Variants in PRKN observed in about 807,000 individuals in gnomAD.
The protein encoded by PRKN is parkin RBR E3 ubiquitin protein ligase.
Under a neutral mutation model 59.5 loss-of-function variants are expected in PRKN, and 56 were observed. The ratio of observed to expected loss-of-function variants is 0.94; its 90% CI spans 0.76 to 1.18. The LOEUF (loss-of-function observed/expected upper bound fraction) is 1.18. Among genes scored for constraint, PRKN ranks in the 50% most tolerant of loss-of-function variants. The pLI is 0.00. For synonymous variants in PRKN, 250 were observed against 222.1 expected (o/e 1.13, Z -1.12); for missense variants, 657 against 596.4 (o/e 1.10, Z -1.06).
rs1223750115 is a variant in PRKN, at chr6:162,212,974, A to G, written c.413-11722T>C. Reference sequence around the variant, plus strand: ...AACTTTTTAGCTCAATTAAAATCTTATGGGGCCATTGTTATATATGTGGTC... The same window carrying G: ...AACTTTTTAGCTCAATTAAAATCTTGTGGGGCCATTGTTATATATGTGGTC... On this transcript the variant is annotated intron_variant, in intron 3 of 11. Coordinates refer to ENST00000366898, the MANE Select transcript of PRKN (RefSeq NM_004562.3). 2.6e-5 allele frequency among the ~76,000 whole-genome samples: 4 copies of G among 152,294 alleles called. No homozygotes were observed. In the East Asian group the frequency reaches 7.7e-4, roughly 29 times the overall value.
intron 1 of PRKN, among the ~76,000 whole-genome samples, chr6:162,472,701 C>G (rs1791817518): frequency 8.1e-6 from 1 of 124,050 alleles, no homozygotes. Flanking sequence ...CCTTGTTAGC[C>G]AGGATGGTCT....
chr6:161,971,655 G>A (rs756794389), intron 6 of PRKN, among the ~76,000 whole-genome samples: 4 of 152,340 alleles, frequency 2.6e-5, no homozygotes, highest in Middle Eastern at 3.4e-3. Context: ...TAAACATGCA[G>A]CAAAGAGAAA....
At chr6:162,589,702 C>T (rs1041576204) in intron 1 of PRKN, among the ~76,000 whole-genome samples, 3 of 152,168 alleles carry the variant, frequency 2.0e-5, no homozygotes, top group Non-Finnish European at 4.4e-5. Context: ...AGTAGAGATA[C>T]ACTTAGGCTT....
At chr6:162,062,738 A>G (rs887136795) in intron 4 of PRKN, among the ~76,000 whole-genome samples, 30 of 152,154 alleles carry the variant, frequency 2.0e-4, no homozygotes, top group African/African-American at 5.3e-4. Context: ...TACGCTTTCC[A>G]GTCTGGGGTA....
chr6:161,347,613 G>GTTTTTTTTTTTTTTTTTTTTTTTTTTTTT lies in PRKN; in HGVS notation c.*2485_*2486insAAAAAAAAAAAAAAAAAAAAAAAAAAAAA, dbSNP rs763588687. On this transcript the variant is annotated 3_prime_UTR_variant, in exon 12 of 12. Transcript: ENST00000366898. ...GTGTAGTGGATGATCTTGCTTTTTT[G>GTTTTTTTTTTTTTTTTTTTTTTTTTTTTT]TTTTTGTTTTTTTTTTTTTTTTGAG... The GTTTTTTTTTTTTTTTTTTTTTTTTTTTTT allele has an allele frequency of 1.7e-5, 2 of 119,274 alleles. 1 individual carries two copies. 7.4% of individuals were successfully genotyped at this position (119,274 alleles called of 1,614,324 possible). A position where few individuals can be genotyped will look rare whatever the true frequency, so the allele number is the denominator to read the frequency against.
intron 6 of PRKN, among the ~76,000 whole-genome samples, chr6:161,948,076 C>T (rs2128245170): frequency 6.6e-6 from 1 of 152,244 alleles, no homozygotes; most frequent in Non-Finnish European, 1.5e-5. Flanking sequence ...ACCTCCACCT[C>T]CCAGGTTCAA....
In PRKN at chr6:161,777,638, G is replaced by A. The variant is rs552844688; in HGVS notation, c.871+8134C>T. On this transcript the variant is annotated intron_variant, in intron 7 of 11. Transcript: ENST00000366898. ...TTGGAAAATGGTTTGCTAACTCTAC[G>A]GATATTCTCATATATATATATTATA... 2.9e-3 allele frequency among the ~76,000 whole-genome samples: 409 copies of A among 141,784 alleles called. 8 individuals are homozygous for A. The highest frequency in any genetic ancestry group is 3.6e-3 in the Non-Finnish European group (237 of 66,092). 93.0% of individuals were successfully genotyped at this position (141,784 alleles called of 152,430 possible). A position where few individuals can be genotyped will look rare whatever the true frequency, so the allele number is the denominator to read the frequency against.
At chr6:162,367,721 T>C (rs1785526507) in intron 2 of PRKN, among the ~76,000 whole-genome samples, 1 of 151,744 alleles carries the variant, frequency 6.6e-6, no homozygotes, top group Non-Finnish European at 1.5e-5. Flanking sequence ...TTCTTAAGAG[T>C]GCACTGAATA....
At chr6:161,944,045 CCAGCCTGAGGGAT>C (rs1285846475) in intron 6 of PRKN, among the ~76,000 whole-genome samples, 3 of 113,408 alleles carry the variant, frequency 2.6e-5, no homozygotes, top group South Asian at 3.3e-4. Flanking sequence ...GCCTGAGGGA[CCAGCCTGAGGGAT>C]CAGCCTGAGG....
chr6:161,987,605 T>C (rs901874228), intron 5 of PRKN, among the ~76,000 whole-genome samples: 3 of 152,244 alleles, frequency 2.0e-5, no homozygotes, highest in Non-Finnish European at 2.9e-5. Flanking sequence ...TTACACTGCA[T>C]TACTTTTTAA....
At chr6:161,543,665 G>A (rs1358465844) in intron 9 of PRKN, among the ~76,000 whole-genome samples, 1 of 152,104 alleles carries the variant, frequency 6.6e-6, no homozygotes, top group East Asian at 1.9e-4. Flanking sequence ...GCCACATTTT[G>A]TTTCTGGATT....
chr6:161,967,302 C>T (rs1446444827), intron 6 of PRKN, among the ~76,000 whole-genome samples: 3 of 152,168 alleles, frequency 2.0e-5, no homozygotes, highest in Non-Finnish European at 1.5e-5. Flanking sequence ...CAGACTTCAT[C>T]TTTGATTTCT....
Position 161,456,216 on chromosome 6 carries a change from T to C in PRKN, c.1084-69339A>G, listed in dbSNP as rs547163276. 5.3e-5 allele frequency among the ~76,000 whole-genome samples: 8 copies of C among 152,256 alleles called. No individual in the cohort carries two copies. The East Asian group carries it at 9.7e-4, about 18-fold the overall frequency. On this transcript the variant is annotated intron_variant, in intron 9 of 11. Transcript: ENST00000366898. This position sits in a 1 kb window ranked among gnomAD's most constrained non-coding sequence, Gnocchi z 4.8. ...GAGGCAGACCCACCCTCAGTCAGGA[T>C]GGGCGAAATTGAATCGGCTGCCAGT...
At chr6:162,516,870 C>G (rs775613804) in intron 1 of PRKN, among the ~76,000 whole-genome samples, 3 of 152,072 alleles carry the variant, frequency 2.0e-5, no homozygotes, top group Non-Finnish European at 4.4e-5. Context: ...TACTATATAG[C>G]TGGAATTCTG....
chr6:162,460,904 A>G (rs1791120717), intron 1 of PRKN, among the ~76,000 whole-genome samples: 1 of 152,222 alleles, frequency 6.6e-6, no homozygotes, highest in African/African-American at 2.4e-5. Flanking sequence ...AACCTTTAAT[A>G]TAGAAAATAT....
chr6:161,967,844 T>A (rs554114081), intron 6 of PRKN, among the ~76,000 whole-genome samples: 2 of 152,314 alleles, frequency 1.3e-5, no homozygotes, highest in Admixed American at 6.5e-5. Context: ...TATATACTTG[T>A]GAGCCTTTAG....
At chr6:162,497,678 T>C (rs894000636) in intron 1 of PRKN, among the ~76,000 whole-genome samples, 5 of 152,218 alleles carry the variant, frequency 3.3e-5, no homozygotes, top group Admixed American at 3.3e-4. Flanking sequence ...TTGCTGAGTC[T>C]AGGCGCCTCC....
intron 1 of PRKN, among the ~76,000 whole-genome samples, chr6:162,534,179 T>G (rs1377091535): frequency 6.6e-6 from 1 of 152,128 alleles, no homozygotes; most frequent in Non-Finnish European, 1.5e-5. Flanking sequence ...TCAGATCTTA[T>G]GTGATTCTTC....
In PRKN at chr6:161,372,511, G is replaced by A. The variant is rs572947301; in HGVS notation, c.1168-12306C>T. ...GTGTTGGGTGTCTAAGATGTGCCAG[G>A]CACTGTCCTGGACCCTGGGGATACA... On this transcript the variant is annotated intron_variant, in intron 10 of 11. Transcript: ENST00000366898. This position sits in a 1 kb window ranked among gnomAD's most constrained non-coding sequence, Gnocchi z 4.2. Among the ~76,000 whole-genome samples the A allele has an allele frequency of 5.9e-5, 9 of 152,306 alleles. No individual in the cohort carries two copies. The highest frequency in any genetic ancestry group is 5.9e-4 in the Admixed American group (9 of 15,292).
Sources: allele counts gnomAD v4.1 joint callset (sites outside exome capture counted in the v4.1 genomes callset), GRCh38; gene constraint gnomAD v4.1.1; non-coding constraint Gnocchi (gnomAD v3.1); transcripts MANE v1.5; gene names NCBI Gene and HGNC (gene_info 2026-07-23, HGNC 2026-07-21).